The following IL1RAPL1 variants were observed in gnomAD, a reference collection of about 807,000 sequenced individuals.
IL1RAPL1 encodes interleukin 1 receptor accessory protein like 1.
Under a neutral mutation model 48.4 loss-of-function variants are expected in IL1RAPL1, and 3 were observed. The observed-to-expected ratio is 0.06, with a 90% CI of 0.03 to 0.16. The LOEUF (loss-of-function observed/expected upper bound fraction) is 0.16. IL1RAPL1 is among the 10% of genes least tolerant of loss of function. The pLI, the probability that IL1RAPL1 is intolerant of heterozygous loss-of-function variation, is 1.00. For missense variants in IL1RAPL1, 349 were observed against 530.6 expected (o/e 0.66, Z 3.36); for synonymous variants, 185 against 187.7 (o/e 0.99, Z 0.12).
At chrX:29,211,002 G>A (rs1448295059) in intron 2 of IL1RAPL1, among the ~76,000 whole-genome samples, 1 of 111,397 alleles carries the variant, frequency 9.0e-6, no homozygotes, top group Non-Finnish European at 1.9e-5. Context: ...AATAAAAACG[G>A]AGAGTGACAG....
chrX:29,331,163 C>T (rs184507658), intron 3 of IL1RAPL1, among the ~76,000 whole-genome samples: 6 of 111,081 alleles, frequency 5.4e-5, no homozygotes, highest in African/African-American at 2.0e-4. Context: ...AGCGAAACTC[C>T]GTCTAAAAAA....
intron 6 of IL1RAPL1, among the ~76,000 whole-genome samples, chrX:29,721,509 A>G (rs1927637777): frequency 8.9e-6 from 1 of 111,736 alleles, no homozygotes; most frequent in Non-Finnish European, 1.9e-5. Context: ...TGTCATAAAC[A>G]TTCAAAAAAC....
chrX:29,572,727 A>G (rs558070577), intron 5 of IL1RAPL1, among the ~76,000 whole-genome samples: 3 of 112,238 alleles, frequency 2.7e-5, no homozygotes, highest in African/African-American at 9.7e-5. Flanking sequence ...GAAAAATCTT[A>G]GAGAATCTTG....
At chrX:29,234,288 G>A (rs1305437244) in intron 2 of IL1RAPL1, among the ~76,000 whole-genome samples, 1 of 111,874 alleles carries the variant, frequency 8.9e-6, no homozygotes, top group Admixed American at 9.5e-5. Flanking sequence ...TTGTTATGCA[G>A]CAATAAATAA....
intron 2 of IL1RAPL1, among the ~76,000 whole-genome samples, chrX:29,009,798 A>T (rs754300817): frequency 1.8e-5 from 2 of 112,079 alleles, no homozygotes; most frequent in African/African-American, 6.5e-5. Context: ...GAAAAGTGAC[A>T]TTGTTCATTT....
intron 5 of IL1RAPL1, among the ~76,000 whole-genome samples, chrX:29,438,273 G>A (rs773972101): frequency 3.6e-5 from 4 of 110,825 alleles, no homozygotes; most frequent in Non-Finnish European, 7.6e-5. Flanking sequence ...TTCTCTTTTT[G>A]TCTTTGTCAG....
At chrX:29,614,509 A>T (rs1468888976) in intron 5 of IL1RAPL1, among the ~76,000 whole-genome samples, 1 of 112,582 alleles carries the variant, frequency 8.9e-6, no homozygotes, top group Non-Finnish European at 1.9e-5. Flanking sequence ...GTGAATTCGA[A>T]TGAGAAAGAC....
chrX:29,587,805 G>A (rs755277041), intron 5 of IL1RAPL1, among the ~76,000 whole-genome samples: 1 of 112,318 alleles, frequency 8.9e-6, no homozygotes, highest in Non-Finnish European at 1.9e-5. Context: ...GCTTCTGTTA[G>A]AAACTATCTC....
intron 4 of IL1RAPL1, among the ~76,000 whole-genome samples, chrX:29,398,924 G>A (rs1232096909): frequency 1.8e-5 from 2 of 112,032 alleles, no homozygotes; most frequent in East Asian, 5.6e-4. Context: ...TCAGATTGAA[G>A]TATTCATTGG....
intron 2 of IL1RAPL1, among the ~76,000 whole-genome samples, chrX:29,242,517 A>T (rs1931439455): frequency 8.9e-6 from 1 of 112,402 alleles, no homozygotes. Flanking sequence ...GGATCTTTAG[A>T]TATATAACAT....
chrX:28,679,293 G>T (rs1488862330), intron 1 of IL1RAPL1, among the ~76,000 whole-genome samples: 2 of 110,082 alleles, frequency 1.8e-5, no homozygotes. Context: ...TTTTATTCGG[G>T]TTTTTTTTCC....
intron 6 of IL1RAPL1, among the ~76,000 whole-genome samples, chrX:29,863,208 A>G (rs961597880): frequency 8.0e-5 from 9 of 111,976 alleles, no homozygotes; most frequent in African/African-American, 2.9e-4. Flanking sequence ...GGTACTTTGA[A>G]AATAGATTCT....
chrX:29,022,706 G>A (rs1005856750), intron 2 of IL1RAPL1, among the ~76,000 whole-genome samples: 5 of 111,436 alleles, frequency 4.5e-5, no homozygotes, highest in African/African-American at 1.3e-4. Context: ...TAAAGCTGCC[G>A]TCATTCTTTC....
intron 2 of IL1RAPL1, among the ~76,000 whole-genome samples, chrX:29,008,731 G>T (rs1249361202): frequency 3.6e-5 from 4 of 110,141 alleles, no homozygotes; most frequent in Non-Finnish European, 5.7e-5. Flanking sequence ...TGGGTATATT[G>T]TATGATGCTG....
At chrX:29,805,819 A>C (rs1344627720) in intron 6 of IL1RAPL1, among the ~76,000 whole-genome samples, 1 of 110,878 alleles carries the variant, frequency 9.0e-6, no homozygotes, top group Non-Finnish European at 1.9e-5. Flanking sequence ...GAAGACAAGG[A>C]AACTCAAGTA....
intron 2 of IL1RAPL1, among the ~76,000 whole-genome samples, chrX:29,094,465 A>G (rs1928159202): frequency 9.2e-6 from 1 of 109,218 alleles, no homozygotes; most frequent in Non-Finnish European, 1.9e-5. Flanking sequence ...TTACTTAAAG[A>G]AACATCTATT....
chrX:28,681,851 T>C (rs983729707), intron 1 of IL1RAPL1, among the ~76,000 whole-genome samples: 1 of 111,890 alleles, frequency 8.9e-6, no homozygotes, highest in African/African-American at 3.3e-5. Context: ...TCAGCGGCCT[T>C]GAATACATTT....
intron 3 of IL1RAPL1, among the ~76,000 whole-genome samples, chrX:29,350,192 TA>T (rs1933206211): frequency 1.1e-3 from 7 of 6,119 alleles, no homozygotes; most frequent in African/African-American, 3.2e-3. Context: ...ACTGTTATTT[TA>T]TATATATATA....
At chrX:29,294,128 T>C (rs1285424507) in intron 3 of IL1RAPL1, among the ~76,000 whole-genome samples, 1 of 111,377 alleles carries the variant, frequency 9.0e-6, no homozygotes, top group Non-Finnish European at 1.9e-5. Flanking sequence ...ACTTGTGATT[T>C]GAGCAGTAGT....
Sources: gnomAD v4.1 joint callset for allele counts (sites outside exome capture counted in the v4.1 genomes callset) on GRCh38, gnomAD v4.1.1 for gene constraint, MANE v1.5 for transcripts, NCBI Gene and HGNC (gene_info 2026-07-23, HGNC 2026-07-21) for gene names.